The following RHCE variants were observed in gnomAD, a reference collection of about 807,000 sequenced individuals.
RHCE encodes blood group Rh(CE) polypeptide.
Under a neutral mutation model 43.8 loss-of-function variants are expected in RHCE, and 22 were observed. That is an observed-to-expected ratio of 0.50 (90% confidence interval 0.36 to 0.72). RHCE has a LOEUF of 0.72. Among genes scored for constraint, RHCE ranks in the 30% least tolerant of loss-of-function variants. RHCE has a pLI of 0.00. For synonymous variants in RHCE, 156 were observed against 210.7 expected, an observed-to-expected ratio of 0.74 and a Z score of 2.25; for missense variants, 385 against 525.4, an observed-to-expected ratio of 0.73 and a Z score of 2.61.
intron 9 of RHCE, 47 bp downstream of exon 9, chr1:25,370,420 A>C (rs1645572535): frequency 6.6e-7 from 1 of 1,505,390 alleles, no homozygotes; most frequent in African/African-American, 1.4e-5. Flanking sequence ...TATGTTTTTA[A>C]GTTCATGCAC....
intron 1 of RHCE, among the ~76,000 whole-genome samples, chr1:25,413,641 ATTG>A (rs1647171796): frequency 6.6e-6 from 1 of 151,424 alleles, no homozygotes; most frequent in Non-Finnish European, 1.5e-5. Flanking sequence ...AATACTCACC[ATTG>A]TTGTAACAGC....
chr1:25,402,543 T>C (rs1272746123), intron 3 of RHCE, 53 bp downstream of exon 3: 6 of 1,613,696 alleles, frequency 3.7e-6, no homozygotes, highest in African/African-American at 1.3e-5. Flanking sequence ...CCCCACCAAA[T>C]GGAGCTTTTG....
intron 3 of RHCE, among the ~76,000 whole-genome samples, chr1:25,397,074 T>C (rs368070044): frequency 1.9e-4 from 24 of 125,464 alleles, no homozygotes; most frequent in African/African-American, 5.3e-4. Context: ...ATCACACCAC[T>C]GCACTCCAGC....
At chr1:25,418,119 T>C (rs1275712863) in intron 1 of RHCE, among the ~76,000 whole-genome samples, 2 of 151,918 alleles carry the variant, frequency 1.3e-5, no homozygotes, top group Non-Finnish European at 2.9e-5. Context: ...CTCTACCTCC[T>C]GGGTTCAAGC....
chr1:25,413,029 AAAAG>A lies in RHCE; in HGVS notation c.149-4164_149-4161del, dbSNP rs199700416. On this transcript the variant is annotated intron_variant, in intron 1 of 9. Transcript: ENST00000294413. ...ACAGAGTGAGACTCCGGCTCAAAAA[AAAAG>A]AGAGATGAGGAAGTCAGAGGATCCT... 5.4e-3 allele frequency among the ~76,000 whole-genome samples: 816 copies of A among 152,228 alleles called. 11 individuals carry two copies. The highest frequency in any genetic ancestry group is 0.017 in the African/African-American group (723 of 41,522).
intron 9 of RHCE, among the ~76,000 whole-genome samples, chr1:25,368,960 C>T (rs1445476350): frequency 2.0e-5 from 3 of 151,708 alleles, no homozygotes; most frequent in Non-Finnish European, 4.4e-5. Flanking sequence ...GGGGTTTCAC[C>T]GGGTTGCCCA....
At chr1:25,386,872 CACACACAA>C (rs1483107743) in intron 6 of RHCE, among the ~76,000 whole-genome samples, 2 of 150,412 alleles carry the variant, frequency 1.3e-5, no homozygotes, top group Non-Finnish European at 3.0e-5. Context: ...CACACACACA[CACACACAA>C]ATTAGCCAGG....
intron 3 of RHCE, chr1:25,399,238 C>T: frequency 2.5e-6 from 2 of 784,734 alleles, no homozygotes; most frequent in Non-Finnish European, 4.6e-6. Context: ...TGATGTATGC[C>T]TCTTTGCCTC....
intron 7 of RHCE, among the ~76,000 whole-genome samples, chr1:25,377,389 G>A (rs762921986): frequency 2.6e-5 from 4 of 151,850 alleles, no homozygotes; most frequent in Non-Finnish European, 5.9e-5. Flanking sequence ...GTAAGGACAG[G>A]GTTTCACCAT....
At chr1:25,414,813 C>A (rs1647254599) in intron 1 of RHCE, among the ~76,000 whole-genome samples, 1 of 152,168 alleles carries the variant, frequency 6.6e-6, no homozygotes, top group South Asian at 2.1e-4. Context: ...CCACCCCAAA[C>A]TGCAGATGCA....
At chr1:25,416,822 G>GT (rs1439726981) in intron 1 of RHCE, among the ~76,000 whole-genome samples, 5 of 148,774 alleles carry the variant, frequency 3.4e-5, no homozygotes, top group Admixed American at 6.7e-5. Context: ...GAGATGGCGG[G>GT]GGGGGGTCTC....
chr1:25,399,733 T>G (rs1646672949), intron 3 of RHCE, among the ~76,000 whole-genome samples: 1 of 152,182 alleles, frequency 6.6e-6, no homozygotes. Context: ...TATCTCATAT[T>G]ATAAATTTCT....
intron 1 of RHCE, among the ~76,000 whole-genome samples, chr1:25,418,016 G>C (rs902997476): frequency 2.0e-5 from 3 of 152,028 alleles, no homozygotes; most frequent in African/African-American, 2.4e-5. Flanking sequence ...CTGCTTCCCT[G>C]TTTATTTTTA....
intron 9 of RHCE, among the ~76,000 whole-genome samples, chr1:25,369,325 C>T (rs1205996612): frequency 6.6e-6 from 1 of 151,656 alleles, no homozygotes; most frequent in East Asian, 1.9e-4. Flanking sequence ...GGATCTGCCA[C>T]TCACAAAGGC....
chr1:25,390,614 T>A, intron 5 of RHCE, 135 bp downstream of exon 5: 1 of 1,070,012 alleles, frequency 9.3e-7, no homozygotes, highest in South Asian at 1.3e-5. Context: ...AGAGCTCCAC[T>A]GTAGAGGCAG....
upstream of RHCE, among the ~76,000 whole-genome samples, chr1:25,424,741 A>C (rs2042792263): frequency 1.3e-5 from 2 of 151,972 alleles, no homozygotes; most frequent in African/African-American, 4.8e-5. Context: ...GCTCCCCTTG[A>C]CAAGGGTTCC....
chr1:25,428,515 C>T (rs2042822114), intron 2 of RHCE, among the ~76,000 whole-genome samples: 2 of 152,170 alleles, frequency 1.3e-5, no homozygotes, highest in Non-Finnish European at 2.9e-5. Flanking sequence ...TTTTCTTGGC[C>T]ACCCGGTGCC....
At chr1:25,386,621 G>A (rs1646171886) in intron 6 of RHCE, among the ~76,000 whole-genome samples, 1 of 152,196 alleles carries the variant, frequency 6.6e-6, no homozygotes, top group South Asian at 2.1e-4. Context: ...AAGAGTTCAA[G>A]ACCAGCATGG....
intron 3 of RHCE, among the ~76,000 whole-genome samples, chr1:25,394,831 T>A (rs146526384): frequency 0.01 from 1,555 of 152,238 alleles, 25 homozygotes; most frequent in African/African-American, 0.036. Context: ...AAAGAACACT[T>A]GGGGATTCTT....
Sources: allele counts gnomAD v4.1 joint callset (sites outside exome capture counted in the v4.1 genomes callset), GRCh38; gene constraint gnomAD v4.1.1; transcripts MANE v1.5; gene names NCBI Gene and HGNC (gene_info 2026-07-23, HGNC 2026-07-21).